XKR9: variants seen among roughly 807,000 people sequenced by gnomAD.
XKR9 encodes the protein XK-related protein 9.
Under a neutral mutation model 32.0 loss-of-function variants are expected in XKR9, and 32 were observed. The ratio of observed to expected loss-of-function variants is 1.00; its 90% CI spans 0.76 to 1.34. The LOEUF is 1.34. Ranked by LOEUF, XKR9 falls within the 40% of genes most tolerant of loss-of-function variation. XKR9 has a pLI of 0.00. For missense variants in XKR9, 546 were observed against 429.7 expected (o/e 1.27, Z -2.39); for synonymous variants, 168 against 143.4 (o/e 1.17, Z -1.22).
At chr8:70,987,369 G>A in the XKR9 span, among the ~76,000 whole-genome samples, 2 of 152,180 alleles carry the variant, frequency 1.3e-5, no homozygotes, top group African/African-American at 2.4e-5. Context: ...TAGATACAAT[G>A]GGAGTGCAGA....
the XKR9 span, among the ~76,000 whole-genome samples, chr8:70,997,182 A>T: frequency 6.6e-6 from 1 of 152,116 alleles, no homozygotes; most frequent in Non-Finnish European, 1.5e-5. Context: ...CTGTAATCCC[A>T]GCTACTCAGG....
intron 3 of XKR9, among the ~76,000 whole-genome samples, chr8:70,702,304 A>C (rs770278505): frequency 2.6e-5 from 4 of 152,162 alleles, no homozygotes; most frequent in African/African-American, 7.2e-5. Context: ...ATAGGATTAC[A>C]GTCTTTTTGC....
chr8:70,879,049 A>G, the XKR9 span, among the ~76,000 whole-genome samples: 1 of 152,242 alleles, frequency 6.6e-6, no homozygotes, highest in Non-Finnish European at 1.5e-5. Flanking sequence ...TTGCTCCTGA[A>G]TGACTACTTG....
chr8:71,054,223 G>A, the XKR9 span, among the ~76,000 whole-genome samples: 18,025 of 152,150 alleles, frequency 0.12, 1,225 homozygotes, highest in African/African-American at 0.18. Flanking sequence ...AAGTGTCAGT[G>A]TATTTCCCAG....
At chr8:70,994,148 A>G in the XKR9 span, among the ~76,000 whole-genome samples, 1 of 152,200 alleles carries the variant, frequency 6.6e-6, no homozygotes, top group South Asian at 2.1e-4. Context: ...TTGTTAGAGC[A>G]GCAGAAATGG....
At position 70,734,418 on chromosome 8, in the gene XKR9, G is replaced by T; in HGVS notation, c.1116G>T (p.Met372Ile). Residue 372 changes from methionine to isoleucine, a missense_variant, in exon 5 of 5, where the codon ATG becomes ATT. Met to Ile is a conservative substitution (Grantham distance 10). Transcript: ENST00000408926. ...LRECRMRYFL[M>I]E ...AATGTAGAATGAGATATTTCCTAAT[G>T]GAATAAGCTATTCATTTATGATATA... 1 of 1,556,010 alleles carries T rather than the reference G, an allele frequency of 6.4e-7. No individual in the cohort carries two copies. Among genetic ancestry groups the T allele is most frequent in the Non-Finnish European group, 8.6e-7 (1 of 1,162,364 alleles).
chr8:70,869,703 A>G, the XKR9 span, among the ~76,000 whole-genome samples: 3 of 152,332 alleles, frequency 2.0e-5, no homozygotes, highest in Non-Finnish European at 4.4e-5. Flanking sequence ...TTTGAGAATA[A>G]ATGTCTTAGA....
the XKR9 span, among the ~76,000 whole-genome samples, chr8:70,991,079 G>A: frequency 6.6e-6 from 1 of 152,248 alleles, no homozygotes; most frequent in Non-Finnish European, 1.5e-5. Flanking sequence ...AGATGTTTTT[G>A]TTGTTTTTTT....
chr8:70,964,874 T>C, the XKR9 span, among the ~76,000 whole-genome samples: 1 of 152,194 alleles, frequency 6.6e-6, no homozygotes, highest in Non-Finnish European at 1.5e-5. Context: ...TTTCCAGATA[T>C]AGGATCATGT....
the XKR9 span, among the ~76,000 whole-genome samples, chr8:70,921,445 G>T: frequency 1.3e-5 from 2 of 152,210 alleles, no homozygotes; most frequent in Non-Finnish European, 2.9e-5. Context: ...AGTGAATTGA[G>T]TTTAAACTGT....
chr8:70,777,465 T>C (rs1198143954), intron 2 of XKR9, among the ~76,000 whole-genome samples: 1 of 152,210 alleles, frequency 6.6e-6, no homozygotes, highest in African/African-American at 2.4e-5. Context: ...CCTTTGGGTA[T>C]ATACCCAGTA....
the XKR9 span, among the ~76,000 whole-genome samples, chr8:70,807,384 T>C: frequency 0.11 from 16,504 of 152,144 alleles, 1,426 homozygotes; most frequent in Admixed American, 0.28. Context: ...GCCAGCATCA[T>C]GATGATGGGA....
chr8:70,780,556 G>A (rs1308256348), intron 2 of XKR9, among the ~76,000 whole-genome samples: 5 of 152,062 alleles, frequency 3.3e-5, no homozygotes, highest in South Asian at 2.1e-4. Context: ...CCAGGAAAGC[G>A]AAGGATTTCC....
At chr8:70,914,801 A>G in the XKR9 span, among the ~76,000 whole-genome samples, 2 of 152,200 alleles carry the variant, frequency 1.3e-5, no homozygotes, top group Non-Finnish European at 2.9e-5. Flanking sequence ...TTTCTACCCT[A>G]AAGTCATGAA....
chr8:70,918,746 C>A, the XKR9 span, among the ~76,000 whole-genome samples: 1 of 144,796 alleles, frequency 6.9e-6, no homozygotes, highest in African/African-American at 2.6e-5. Context: ...GAAGAGCTGG[C>A]ATCCAAATAG....
At position 70,766,031 on chromosome 8, in the gene XKR9, G is replaced by A. The variant is rs139685638; in HGVS notation, n.353-23308G>A. Among the ~76,000 whole-genome samples the A allele has an allele frequency of 5.3e-5, 8 of 152,250 alleles. No homozygotes were observed. In the East Asian group the frequency reaches 1.4e-3, roughly 26 times the overall value. ...AGCCTTGTAGTATTGTTTGAGTCAG[G>A]TAGTGTGATGCCTCCAGATTTGTTC... On this transcript the variant is annotated intron_variant and non_coding_transcript_variant, in intron 2 of 3. Coordinates refer to the XKR9 transcript ENST00000520273.
chr8:70,843,439 TAG>T, the XKR9 span, among the ~76,000 whole-genome samples: 2 of 152,132 alleles, frequency 1.3e-5, no homozygotes, highest in African/African-American at 4.8e-5. Context: ...AAAGTTACCC[TAG>T]AGAGAGGGGC....
At chr8:70,733,543 A>T (rs553768560) in intron 4 of XKR9, among the ~76,000 whole-genome samples, 1 of 152,090 alleles carries the variant, frequency 6.6e-6, no homozygotes, top group Non-Finnish European at 1.5e-5. Flanking sequence ...GGATAAATCT[A>T]TCCACTTTGG....
the XKR9 span, among the ~76,000 whole-genome samples, chr8:70,818,772 C>T: frequency 6.6e-6 from 1 of 152,146 alleles, no homozygotes; most frequent in African/African-American, 2.4e-5. Context: ...TTTTTACATA[C>T]CTCTGCTAAG....
Sources: gnomAD v4.1 joint callset for allele counts (sites outside exome capture counted in the v4.1 genomes callset) on GRCh38, gnomAD v4.1.1 for gene constraint, MANE v1.5 for transcripts, NCBI Gene and HGNC (gene_info 2026-07-23, HGNC 2026-07-21) for gene names.